The following PCBP3 variants were observed in gnomAD, a reference collection of about 807,000 sequenced individuals.
The protein encoded by PCBP3 is poly(rC) binding protein 3, also known as poly(rC)-binding protein 3.
PCBP3 carries 25 observed loss-of-function variants against 52.7 expected under a neutral mutation model. The ratio of observed to expected loss-of-function variants is 0.47; its 90% CI spans 0.35 to 0.66. The LOEUF (loss-of-function observed/expected upper bound fraction) is 0.66, where lower values mean the gene tolerates loss of function less well. Among genes scored for constraint, PCBP3 ranks in the 30% least tolerant of loss-of-function variants. The pLI, the probability that PCBP3 is intolerant of heterozygous loss-of-function variation, is 0.01. For synonymous variants in PCBP3, 162 were observed against 183.0 expected (o/e 0.89, Z 0.93); for missense variants, 391 against 490.3 (o/e 0.80, Z 1.91).
intron 2 of PCBP3, among the ~76,000 whole-genome samples, chr21:45,705,526 G>T (rs146262402): frequency 6.6e-6 from 1 of 152,162 alleles, no homozygotes; most frequent in Admixed American, 6.5e-5. Context: ...TTTACTGGGC[G>T]TGCACTTCTA....
intron 2 of PCBP3, among the ~76,000 whole-genome samples, chr21:45,688,988 C>A (rs574847334): frequency 8.6e-5 from 13 of 151,818 alleles, no homozygotes; most frequent in African/African-American, 2.7e-4. Flanking sequence ...GAGGCCCAGA[C>A]GAATTCTATC....
chr21:45,844,627 C>T (rs564969668), intron 4 of PCBP3, among the ~76,000 whole-genome samples: 3 of 151,980 alleles, frequency 2.0e-5, no homozygotes, highest in Admixed American at 6.6e-5. Context: ...TGGTTCCACG[C>T]GCACCACAAG....
At chr21:45,874,819 CTG>C (rs1363882627) in intron 5 of PCBP3, among the ~76,000 whole-genome samples, 1 of 152,228 alleles carries the variant, frequency 6.6e-6, no homozygotes, top group Admixed American at 6.5e-5. Context: ...CTTCCCGTCA[CTG>C]TGTCGGTCCC....
At chr21:45,807,326 C>G (rs1200735169) in intron 4 of PCBP3, among the ~76,000 whole-genome samples, 1 of 152,202 alleles carries the variant, frequency 6.6e-6, no homozygotes, top group Non-Finnish European at 1.5e-5. Context: ...AGCTGATAAG[C>G]AACTTCAGCA....
chr21:45,941,729 G>A lies in PCBP3; in HGVS notation c.*23G>A, dbSNP rs201400266. 39 of 1,593,474 alleles carry A rather than the reference G, an allele frequency of 2.4e-5. No homozygotes were observed. The highest frequency in any genetic ancestry group is 2.4e-4 in the African/African-American group (18 of 74,278). Reference sequence around the variant, plus strand: ...TAATCCTACCCAGCACCCTTCCCCCGCGTCACCCACCTGCCAGAGCCTAAG... The same window carrying A: ...TAATCCTACCCAGCACCCTTCCCCCACGTCACCCACCTGCCAGAGCCTAAG... On this transcript the variant is annotated 3_prime_UTR_variant, in exon 18 of 18. Transcript: ENST00000681687.
chr21:45,841,502 A>G (rs1240965853), intron 4 of PCBP3, among the ~76,000 whole-genome samples: 2 of 151,922 alleles, frequency 1.3e-5, no homozygotes, highest in African/African-American at 4.8e-5. Flanking sequence ...TTCTAATACT[A>G]TTTTAAATTA....
intron 13 of PCBP3, among the ~76,000 whole-genome samples, chr21:45,920,149 G>T (rs1274017790): frequency 1.3e-5 from 2 of 152,206 alleles, no homozygotes; most frequent in Non-Finnish European, 2.9e-5. Context: ...CAGGGTTTGT[G>T]TTTACCCCAG....
intron 4 of PCBP3, among the ~76,000 whole-genome samples, chr21:45,841,848 G>A (rs1262721580): frequency 6.6e-6 from 1 of 152,150 alleles, no homozygotes; most frequent in African/African-American, 2.4e-5. Context: ...CTGTGTGTGT[G>A]GACACTTCTG....
At chr21:45,864,483 TAA>T (rs1275222871) in intron 5 of PCBP3, among the ~76,000 whole-genome samples, 1 of 152,220 alleles carries the variant, frequency 6.6e-6, no homozygotes, top group African/African-American at 2.4e-5. Context: ...TTTCAGTTCA[TAA>T]GTTACAACAA....
In PCBP3 at chr21:45,731,132, A is replaced by G. The variant is rs112866248; in HGVS notation, c.-199-4260A>G. Among the ~76,000 whole-genome samples the G allele has an allele frequency of 1.4e-3, 215 of 151,740 alleles. 1 individual carries two copies. The highest frequency in any genetic ancestry group is 5.1e-3 in the African/African-American group (209 of 41,326). ...TTTCTCTCATTCTCCTTTATTTTGG[A>G]TTGAGTACTTTCTATGATCAGTTTT... On this transcript the variant is annotated intron_variant, in intron 2 of 17. Transcript: ENST00000681687.
intron 1 of PCBP3, among the ~76,000 whole-genome samples, chr21:45,653,601 TCTCAACC>T (rs1045547720): frequency 1.2e-4 from 18 of 152,292 alleles, no homozygotes; most frequent in South Asian, 8.3e-4. Flanking sequence ...TTTATCTTAT[TCTCAACC>T]TTACTATAGT....
At chr21:45,927,597 C>T (rs1313446272) in intron 13 of PCBP3, among the ~76,000 whole-genome samples, 1 of 151,660 alleles carries the variant, frequency 6.6e-6, no homozygotes, top group East Asian at 2.0e-4. Context: ...CACAGATGCT[C>T]CCCCAGCACC....
Position 45,940,924 on chromosome 21 carries a change from C to T in PCBP3, c.1079+725C>T, listed in dbSNP as rs79414460. 5.1e-3 allele frequency among the ~76,000 whole-genome samples: 781 copies of T among 152,178 alleles called. 7 individuals are homozygous for T. Among genetic ancestry groups the T allele is most frequent in the African/African-American group, 0.018 (734 of 41,528 alleles). ...CCTGAGCTGGGCTTGTGGGATGGGA[C>T]GGGACGGGATGGGACTGGAGGGGAG... On this transcript the variant is annotated intron_variant, in intron 17 of 17. Coordinates refer to ENST00000681687, the MANE Select transcript of PCBP3 (RefSeq NM_001384156.1).
intron 13 of PCBP3, among the ~76,000 whole-genome samples, chr21:45,924,268 A>G (rs2149417904): frequency 6.7e-6 from 1 of 148,804 alleles, no homozygotes. Context: ...AGCACACGTA[A>G]GATCGGGTGT....
intron 4 of PCBP3, among the ~76,000 whole-genome samples, chr21:45,833,542 A>G (rs11908989): frequency 0.029 from 4,458 of 152,332 alleles, 238 homozygotes; most frequent in African/African-American, 0.1. Flanking sequence ...GGTGCTGCCC[A>G]TGTCAGGAGA....
intron 1 of PCBP3, among the ~76,000 whole-genome samples, chr21:45,657,086 G>T (rs2080071533): frequency 6.6e-6 from 1 of 152,174 alleles, no homozygotes; most frequent in Non-Finnish European, 1.5e-5. Flanking sequence ...CTCCCAAAGT[G>T]CTGGGATTAC....
intron 5 of PCBP3, among the ~76,000 whole-genome samples, chr21:45,878,690 G>A (rs972164480): frequency 3.9e-5 from 6 of 152,196 alleles, no homozygotes; most frequent in South Asian, 2.1e-4. Flanking sequence ...ACCACTGCCC[G>A]ATAAAATAAA....
chr21:45,898,386 A>AGCCTCCCTCTGCACACTGTCCTCACG (rs2095894781), intron 6 of PCBP3, among the ~76,000 whole-genome samples: 1 of 63,326 alleles, frequency 1.6e-5, no homozygotes. Flanking sequence ...CCGTCCTCAC[A>AGCCTCCCTCTGCACACTGTCCTCACG]GCCTCCCTCT....
intron 10 of PCBP3, 34 bp from the exon 11 acceptor site, chr21:45,910,868 C>T (rs201339578): frequency 2.6e-5 from 41 of 1,567,932 alleles, no homozygotes; most frequent in African/African-American, 4.0e-5. Context: ...GCGCTGCTAC[C>T]CTGGTGCTCC....
Sources: allele counts gnomAD v4.1 joint callset (sites outside exome capture counted in the v4.1 genomes callset), GRCh38; gene constraint gnomAD v4.1.1; transcripts MANE v1.5; gene names NCBI Gene and HGNC (gene_info 2026-07-23, HGNC 2026-07-21).